ZNF385D: variants seen among roughly 807,000 people sequenced by gnomAD.
The protein encoded by ZNF385D is zinc finger protein 385D.
A neutral mutation model predicts 35.8 loss-of-function variants in ZNF385D; 15 were observed. The ratio of observed to expected loss-of-function variants is 0.42; its 90% CI spans 0.28 to 0.64. ZNF385D has a LOEUF of 0.64. ZNF385D is among the 30% of genes least tolerant of loss of function. The pLI is 0.23. For missense variants in ZNF385D, 474 were observed against 494.6 expected (o/e 0.96, Z 0.39); for synonymous variants, 212 against 186.8 (o/e 1.13, Z -1.10).
At chr3:21,510,017 G>A (rs1363158260) in intron 4 of ZNF385D, among the ~76,000 whole-genome samples, 2 of 152,142 alleles carry the variant, frequency 1.3e-5, no homozygotes, top group African/African-American at 2.4e-5. Context: ...ACTATCATTG[G>A]TGATGATATG....
At chr3:21,510,567 G>A (rs112973653) in intron 4 of ZNF385D, among the ~76,000 whole-genome samples, 2,303 of 152,122 alleles carry the variant, frequency 0.015, 56 homozygotes, top group African/African-American at 0.052. Context: ...CACTGAAAAG[G>A]TTCATTTCTC....
At chr3:21,755,524 T>A (rs2070301516), upstream of ZNF385D, among the ~76,000 whole-genome samples, 1 of 152,210 alleles carries the variant, frequency 6.6e-6, no homozygotes, top group Non-Finnish European at 1.5e-5. Context: ...CTGTAATCAA[T>A]CTTTGGGTGT....
At chr3:21,470,240 C>G (rs538428022) in intron 4 of ZNF385D, among the ~76,000 whole-genome samples, 2 of 152,238 alleles carry the variant, frequency 1.3e-5, no homozygotes, top group East Asian at 3.9e-4. Context: ...GAATTGAGAG[C>G]ACATTATGAA....
intron 2 of ZNF385D, among the ~76,000 whole-genome samples, chr3:22,264,345 G>C (rs1700787477): frequency 6.6e-6 from 1 of 152,020 alleles, no homozygotes; most frequent in African/African-American, 2.4e-5. Context: ...ATGGGTCTTA[G>C]GGCAGAACGC....
At chr3:22,212,499 G>A (rs1032945955) in intron 2 of ZNF385D, among the ~76,000 whole-genome samples, 2 of 151,986 alleles carry the variant, frequency 1.3e-5, no homozygotes, top group South Asian at 2.1e-4. Context: ...CGTTAGCAAC[G>A]TTTCACTTAA....
intron 4 of ZNF385D, among the ~76,000 whole-genome samples, chr3:21,472,327 C>T (rs774800909): frequency 1.6e-4 from 24 of 152,110 alleles, no homozygotes; most frequent in South Asian, 8.3e-4. Context: ...ACAAGAAGTG[C>T]GCCTAATGGC....
At chr3:22,335,413 TA>T (rs1429309039) in intron 2 of ZNF385D, among the ~76,000 whole-genome samples, 2 of 152,188 alleles carry the variant, frequency 1.3e-5, no homozygotes, top group African/African-American at 2.4e-5. Flanking sequence ...TGTGGTCTAA[TA>T]TTTTTTCCTT....
chr3:21,687,921 T>A (rs1327467952), intron 1 of ZNF385D, among the ~76,000 whole-genome samples: 3 of 151,770 alleles, frequency 2.0e-5, no homozygotes, highest in Non-Finnish European at 4.4e-5. Context: ...TTAGACAGAG[T>A]CTTGATCTGT....
intron 3 of ZNF385D, among the ~76,000 whole-genome samples, chr3:21,786,465 G>A (rs921040208): frequency 6.6e-6 from 1 of 152,096 alleles, no homozygotes; most frequent in Non-Finnish European, 1.5e-5. Context: ...ATGGGATATA[G>A]TGCCTCCAGA....
At chr3:21,925,773 A>T (rs983825308) in intron 3 of ZNF385D, among the ~76,000 whole-genome samples, 3 of 152,128 alleles carry the variant, frequency 2.0e-5, no homozygotes, top group African/African-American at 7.2e-5. Flanking sequence ...AACTTTCAAA[A>T]CTTGACAGTA....
At chr3:22,218,496 T>G (rs991463896) in intron 2 of ZNF385D, among the ~76,000 whole-genome samples, 1 of 152,090 alleles carries the variant, frequency 6.6e-6, no homozygotes, top group Admixed American at 6.6e-5. Context: ...TATGTACATA[T>G]ATATACATAC....
chr3:21,491,180 TGTG>T (rs1705400854), intron 4 of ZNF385D, among the ~76,000 whole-genome samples: 1 of 129,284 alleles, frequency 7.7e-6, no homozygotes, highest in Non-Finnish European at 1.6e-5. Flanking sequence ...GTGGTACAGA[TGTG>T]GTGATGGTGG....
intron 3 of ZNF385D, among the ~76,000 whole-genome samples, chr3:21,974,013 T>C (rs1559806812): frequency 6.6e-6 from 1 of 152,076 alleles, no homozygotes; most frequent in Non-Finnish European, 1.5e-5. Flanking sequence ...AATCTATATA[T>C]TCAATAAATG....
chr3:21,861,163 G>A lies in ZNF385D; in HGVS notation c.326-196135C>T, dbSNP rs115555314. Among the ~76,000 whole-genome samples, 746 of 152,188 alleles carry A rather than the reference G, an allele frequency of 4.9e-3. 7 individuals are homozygous for A. The highest frequency in any genetic ancestry group is 0.017 in the African/African-American group (712 of 41,538). On this transcript the variant is annotated intron_variant, in intron 3 of 5. Transcript: ENST00000494108. ...CTGGTCTACTCACAGGACAGTCCCC[G>A]CTTCAGCTTTGGTGTATCTGGGAAG...
chr3:21,891,385 T>C (rs1698856986), intron 3 of ZNF385D, among the ~76,000 whole-genome samples: 1 of 152,210 alleles, frequency 6.6e-6, no homozygotes, highest in South Asian at 2.1e-4. Flanking sequence ...AATGCGTGAC[T>C]AGTTCAAATG....
At chr3:22,058,159 T>C (rs1453364825) in intron 3 of ZNF385D, among the ~76,000 whole-genome samples, 1 of 151,938 alleles carries the variant, frequency 6.6e-6, no homozygotes, top group South Asian at 2.1e-4. Context: ...TATTGGTAAC[T>C]CATAAGTTGA....
At chr3:21,839,172 C>T (rs1695509396) in intron 3 of ZNF385D, among the ~76,000 whole-genome samples, 1 of 152,018 alleles carries the variant, frequency 6.6e-6, no homozygotes, top group East Asian at 1.9e-4. Flanking sequence ...ATCATTAAGC[C>T]CTATGGCCTT....
chr3:21,795,940 T>C (rs1210700904), intron 3 of ZNF385D, among the ~76,000 whole-genome samples: 1 of 152,174 alleles, frequency 6.6e-6, no homozygotes, highest in Non-Finnish European at 1.5e-5. Context: ...CAAAGGTAAG[T>C]AAAAGAACTT....
At chr3:22,130,543 T>C (rs1703720306) in intron 3 of ZNF385D, among the ~76,000 whole-genome samples, 1 of 152,170 alleles carries the variant, frequency 6.6e-6, no homozygotes, top group Admixed American at 6.6e-5. Context: ...TGGCCAAATC[T>C]GCTCCGTGTT....
Sources: gnomAD v4.1 joint callset for allele counts (sites outside exome capture counted in the v4.1 genomes callset) on GRCh38, gnomAD v4.1.1 for gene constraint, MANE v1.5 for transcripts, NCBI Gene and HGNC (gene_info 2026-07-23, HGNC 2026-07-21) for gene names.